Variants in MECOM observed in about 807,000 individuals in gnomAD.
MECOM encodes the protein MDS1 and EVI1 complex locus.
MECOM carries 13 observed loss-of-function variants against 116.3 expected under a neutral mutation model. That is an observed-to-expected ratio of 0.11 (90% CI 0.07 to 0.18). MECOM has a LOEUF of 0.18. Ranked by LOEUF, MECOM falls within the 10% of genes least tolerant of loss-of-function variation. The pLI is 1.00. For missense variants in MECOM, 1,299 were observed against 1,509.0 expected, an observed-to-expected ratio of 0.86 and a Z score of 2.31; for synonymous variants, 528 against 535.2, an observed-to-expected ratio of 0.99 and a Z score of 0.19.
chr3:169,598,361 T>C (rs969625188), intron 1 of MECOM, among the ~76,000 whole-genome samples: 1 of 152,180 alleles, frequency 6.6e-6, no homozygotes, highest in African/African-American at 2.4e-5. Context: ...AACAGCAAGT[T>C]ATAAAACTGG....
At chr3:169,420,215 G>A (rs1378346361) in intron 1 of MECOM, among the ~76,000 whole-genome samples, 1 of 152,010 alleles carries the variant, frequency 6.6e-6, no homozygotes, top group Non-Finnish European at 1.5e-5. Context: ...CACTTCCCAA[G>A]TTCAAGCATC....
chr3:169,659,776 G>A (rs1459488414), intron 1 of MECOM, among the ~76,000 whole-genome samples: 2 of 152,100 alleles, frequency 1.3e-5, no homozygotes, highest in African/African-American at 2.4e-5. Flanking sequence ...GTTGTGGGGG[G>A]GTTGTTTTGT....
chr3:169,245,738 C>T (rs550915345), intron 2 of MECOM, among the ~76,000 whole-genome samples: 175 of 152,288 alleles, frequency 1.1e-3, no homozygotes, highest in African/African-American at 4.1e-3. Context: ...TCCTCAAATT[C>T]TACGCAGTAC....
intron 2 of MECOM, among the ~76,000 whole-genome samples, chr3:169,261,230 A>T (rs1021003935): frequency 6.6e-6 from 1 of 152,242 alleles, no homozygotes; most frequent in Admixed American, 6.5e-5. Flanking sequence ...TTTTTTCTTT[A>T]TTAATACATC....
chr3:169,102,861 A>T (rs1052578222), intron 10 of MECOM, among the ~76,000 whole-genome samples: 2 of 152,034 alleles, frequency 1.3e-5, no homozygotes, highest in African/African-American at 4.8e-5. Flanking sequence ...ATCAAAGACA[A>T]AGACTAAGTT....
In MECOM at chr3:169,322,997, T is replaced by TAAAAAAAAAAA. The variant is rs748984561; in HGVS notation, c.375+58179_375+58189dup. Among the ~76,000 whole-genome samples, 17 of 56,048 alleles carry TAAAAAAAAAAA rather than the reference T, an allele frequency of 3.0e-4. 1 individual carries two copies. In the East Asian group the frequency reaches 4.4e-3, roughly 14 times the overall value. The allele number at this position is 56,048 out of a possible 152,430, so 36.8% of individuals were successfully genotyped here. On this transcript the variant is annotated intron_variant, in intron 2 of 16. Transcript: ENST00000651503. ...CCTGCATGACAGAGCAAGACTCCGG[T>TAAAAAAAAAAA]AAAAAAAAAAAAAAAAAAAAAAAAA... is the stretch of plus-strand genomic sequence containing the variant.
At chr3:169,417,043 G>A (rs1342009853) in intron 1 of MECOM, among the ~76,000 whole-genome samples, 20 of 151,876 alleles carry the variant, frequency 1.3e-4, no homozygotes, top group East Asian at 9.7e-4. Context: ...GGACATAGGC[G>A]TGGGCAAGGA....
intron 1 of MECOM, among the ~76,000 whole-genome samples, chr3:169,480,090 G>C (rs1751060727): frequency 6.6e-6 from 1 of 151,850 alleles, no homozygotes. Flanking sequence ...CATCACTATT[G>C]GTATAAAAAA....
intron 1 of MECOM, among the ~76,000 whole-genome samples, chr3:169,528,609 T>C (rs1373257942): frequency 1.3e-5 from 2 of 152,246 alleles, no homozygotes; most frequent in Non-Finnish European, 2.9e-5. Flanking sequence ...TGTGAATGAA[T>C]AAAATGGAAA....
At chr3:169,550,477 GA>G (rs1214911132) in intron 1 of MECOM, among the ~76,000 whole-genome samples, 1 of 152,238 alleles carries the variant, frequency 6.6e-6, no homozygotes, top group Non-Finnish European at 1.5e-5. Context: ...GCATGAATAT[GA>G]GAGCTTCTAG....
rs113071472 is a variant in MECOM at position 169,093,092 on chromosome 3, T to G, written c.3030A>C (p.Thr1010=). 11 of 1,610,990 alleles carry G rather than the reference T, an allele frequency of 6.8e-6. No homozygotes were observed. Among genetic ancestry groups the G allele is most frequent in the Non-Finnish European group, 9.3e-6 (11 of 1,178,720 alleles). ...TTTCCAGTTCAGAATGAGGCGACGATGTTGCTGTACCTGTGTGGAGCAGAA... is the reference window on the plus strand; with the variant it reads ...TTTCCAGTTCAGAATGAGGCGACGAGGTTGCTGTACCTGTGTGGAGCAGAA... The part of the protein sequence containing the change: ...HENGNMSGTA[T]SSPHSELEST... The change falls in exon 14 of 17, where the codon ACA becomes ACC. Residue 1010 remains threonine (T), a synonymous_variant. Coordinates refer to ENST00000651503, the MANE Select transcript of MECOM (RefSeq NM_004991.4).
At chr3:169,493,570 T>C (rs930706300) in intron 1 of MECOM, among the ~76,000 whole-genome samples, 1 of 144,464 alleles carries the variant, frequency 6.9e-6, no homozygotes, top group Non-Finnish European at 1.5e-5. Flanking sequence ...TATACACATA[T>C]GTATACATAT....
intron 2 of MECOM, among the ~76,000 whole-genome samples, chr3:169,228,535 T>C (rs1298668492): frequency 6.6e-6 from 1 of 152,114 alleles, no homozygotes; most frequent in Non-Finnish European, 1.5e-5. Context: ...TTCAAGAAAG[T>C]AGTGTATTAA....
At chr3:169,191,755 A>C (rs1265206975) in intron 2 of MECOM, among the ~76,000 whole-genome samples, 1 of 140,958 alleles carries the variant, frequency 7.1e-6, no homozygotes, top group Non-Finnish European at 1.5e-5. Context: ...AGAAAGAAAG[A>C]AAGAAAGAAA....
At chr3:169,182,492 A>G (rs1198994771) in intron 2 of MECOM, among the ~76,000 whole-genome samples, 2 of 152,220 alleles carry the variant, frequency 1.3e-5, no homozygotes, top group African/African-American at 4.8e-5. Flanking sequence ...GCAAGTTGTG[A>G]GTCTACGTTT....
Position 169,485,981 on chromosome 3 carries a change from TATA to T in MECOM, c.38-104460_38-104458del, listed in dbSNP as rs1407991744. On this transcript the variant is annotated intron_variant, in intron 1 of 16. Coordinates refer to ENST00000651503, the MANE Select transcript of MECOM (RefSeq NM_004991.4). Reference sequence around the variant, plus strand: ...CATATATACTATATATACATATATATATAGTATATATATGTATATATATACTAT... The same window carrying T: ...CATATATACTATATATACATATATATGTATATATATGTATATATATACTAT... Among the ~76,000 whole-genome samples, 608 of 119,536 alleles carry T rather than the reference TATA, an allele frequency of 5.1e-3. 1 individual carries two copies. Among genetic ancestry groups the T allele is most frequent in the African/African-American group, 0.017 (494 of 29,336 alleles). 78.4% of individuals were successfully genotyped at this position (119,536 alleles called of 152,430 possible). A position where few individuals can be genotyped will look rare whatever the true frequency, so the allele number is the denominator to read the frequency against.
chr3:169,398,897 G>A (rs150970077), intron 1 of MECOM, among the ~76,000 whole-genome samples: 36 of 152,278 alleles, frequency 2.4e-4, no homozygotes, highest in African/African-American at 8.4e-4. Context: ...TGCTAAAGAG[G>A]CAGCATTGAG....
intron 2 of MECOM, among the ~76,000 whole-genome samples, chr3:169,156,107 A>G (rs149028837): frequency 7.2e-5 from 11 of 152,262 alleles, no homozygotes; most frequent in African/African-American, 2.6e-4. Context: ...TTATTATCAG[A>G]TATTCCCTGG....
intron 2 of MECOM, among the ~76,000 whole-genome samples, chr3:169,375,117 G>A (rs913950767): frequency 6.6e-6 from 1 of 151,970 alleles, no homozygotes; most frequent in Admixed American, 6.6e-5. Context: ...ACTTGCTAAG[G>A]ATGGGGAGGA....
Sources: gnomAD v4.1 joint callset for allele counts (sites outside exome capture counted in the v4.1 genomes callset) on GRCh38, gnomAD v4.1.1 for gene constraint, MANE v1.5 for transcripts, NCBI Gene and HGNC (gene_info 2026-07-23, HGNC 2026-07-21) for gene names.